Variants in NBN observed in about 807,000 individuals in gnomAD.
NBN encodes Nijmegen breakage syndrome 1 (nibrin).
In NBN, 88 loss-of-function variants were observed where a neutral mutation model predicts 90.8. That is an observed-to-expected ratio of 0.97 (90% CI 0.82 to 1.16). The LOEUF (loss-of-function observed/expected upper bound fraction) is 1.16, where lower values mean the gene tolerates loss of function less well. Ranked by LOEUF, NBN falls within the 50% of genes most tolerant of loss-of-function variation. NBN has a pLI of 0.00. For missense variants in NBN, 894 were observed against 869.6 expected (o/e 1.03, Z -0.35); for synonymous variants, 328 against 295.1 (o/e 1.11, Z -1.14).
In NBN at chr8:89,947,448, A is replaced by G. The variant is rs2023185; in HGVS notation, c.1914+376T>C. On this transcript the variant is annotated intron_variant, in intron 12 of 15. Transcript: ENST00000265433. ...AGTTCCAGACCAGCCTGACCAACAT[A>G]GAGAAACCCCGTCTCTATTAAAAAT... 6.6e-3 allele frequency among the ~76,000 whole-genome samples: 1,008 copies of G among 152,110 alleles called. 14 individuals are homozygous for G. The highest frequency in any genetic ancestry group is 0.023 in the African/African-American group (954 of 41,492).
At chr8:89,936,619 T>C (rs1260925297) in intron 15 of NBN, among the ~76,000 whole-genome samples, 2 of 152,198 alleles carry the variant, frequency 1.3e-5, no homozygotes, top group Non-Finnish European at 2.9e-5. Flanking sequence ...CACAAAAACC[T>C]GCTTTGAAAC....
At chr8:89,945,308 T>C (rs1428720924) in intron 13 of NBN, among the ~76,000 whole-genome samples, 4 of 152,274 alleles carry the variant, frequency 2.6e-5, no homozygotes, top group East Asian at 3.9e-4. Flanking sequence ...GTGGAAGATA[T>C]TTCCATCTTC....
At chr8:89,964,299 A>T in intron 8 of NBN, 111 bp downstream of exon 8, 1 of 1,237,828 alleles carries the variant, frequency 8.1e-7, no homozygotes, top group Non-Finnish European at 1.2e-6. Flanking sequence ...GATGAATTTT[A>T]AAACATGGTG....
chr8:89,984,638 T>A lies in NBN; in HGVS notation c.-77A>T. On this transcript the variant is annotated 5_prime_UTR_variant, in exon 1 of 16. Transcript: ENST00000265433. ...GCTAGACGAGCGCGGATACGGCGCC[T>A]GCGGTCGGCATGGGCTCCGGGACGT... The A allele has an allele frequency of 1.3e-6, 2 of 1,587,164 alleles. No homozygotes were observed. The highest frequency in any genetic ancestry group is 1.7e-6 in the Non-Finnish European group (2 of 1,166,778).
intron 5 of NBN, among the ~76,000 whole-genome samples, chr8:89,974,471 C>T (rs1315036178): frequency 6.6e-6 from 1 of 152,098 alleles, no homozygotes; most frequent in East Asian, 1.9e-4. Flanking sequence ...TCTGTTGGGT[C>T]TGAGATTTGA....
chr8:89,947,473 T>C (rs1810246901), intron 12 of NBN, among the ~76,000 whole-genome samples: 1 of 151,820 alleles, frequency 6.6e-6, no homozygotes, highest in African/African-American at 2.4e-5. Flanking sequence ...CTATTAAAAA[T>C]TCAAAATTAG....
chr8:89,984,436 C>A (rs887827798), intron 1 of NBN, 89 bp downstream of exon 1: 11 of 1,259,592 alleles, frequency 8.7e-6, no homozygotes, highest in Non-Finnish European at 1.3e-5. Flanking sequence ...CGGGCAGGAA[C>A]GGACGCGACG....
chr8:89,976,796 T>C (rs1214365162), intron 5 of NBN, among the ~76,000 whole-genome samples: 1 of 152,202 alleles, frequency 6.6e-6, no homozygotes, highest in Non-Finnish European at 1.5e-5. Context: ...AAGAATCTTC[T>C]ATTTTAAAAT....
intron 8 of NBN, among the ~76,000 whole-genome samples, chr8:89,963,756 G>GGA (rs1456986744): frequency 1.1e-4 from 16 of 152,042 alleles, no homozygotes; most frequent in African/African-American, 3.9e-4. Flanking sequence ...CTGCTCCACC[G>GGA]GAAAGTCCCA....
intron 8 of NBN, among the ~76,000 whole-genome samples, chr8:89,961,647 CAT>C (rs1201912901): frequency 1.3e-5 from 2 of 152,108 alleles, no homozygotes; most frequent in African/African-American, 4.8e-5. Context: ...ATATGGCACA[CAT>C]ATTCTGTAGA....
chr8:89,936,820 T>C (rs1018483073), intron 15 of NBN, among the ~76,000 whole-genome samples: 15 of 152,228 alleles, frequency 9.9e-5, no homozygotes, highest in Admixed American at 7.2e-4. Flanking sequence ...AAATTTTAAG[T>C]ATCTTATAAC....
Position 89,967,665 on chromosome 8 carries a change from T to C in NBN, c.896+2699A>G, listed in dbSNP as rs546266286. 2.0e-5 allele frequency among the ~76,000 whole-genome samples: 3 copies of C among 152,248 alleles called. No homozygotes were observed. In the South Asian group the frequency reaches 6.2e-4, roughly 32 times the overall value. ...AAGAGTTACCAAATTTGAGCTGAGA[T>C]ACCGGAAAAAGGTCTCAGCAAGAAC... On this transcript the variant is annotated intron_variant, in intron 7 of 15. Transcript: ENST00000265433.
intron 8 of NBN, among the ~76,000 whole-genome samples, chr8:89,962,034 T>C (rs1385635652): frequency 1.3e-5 from 2 of 152,150 alleles, no homozygotes; most frequent in East Asian, 3.8e-4. Context: ...TGTCCAAAGT[T>C]TCCAGTCTGA....
chr8:89,955,021 G>GA (rs1810630934), intron 10 of NBN, among the ~76,000 whole-genome samples: 1 of 152,100 alleles, frequency 6.6e-6, no homozygotes, highest in South Asian at 2.1e-4. Flanking sequence ...TTAGAGCTGA[G>GA]ACAGGGGGTT....
chr8:89,961,970 G>C (rs770736162), intron 8 of NBN, among the ~76,000 whole-genome samples: 1 of 152,148 alleles, frequency 6.6e-6, no homozygotes, highest in Non-Finnish European at 1.5e-5. Context: ...AGCAGAAGCT[G>C]TAGAGTGAGA....
chr8:89,953,461 T>C lies in NBN; in HGVS notation c.1628A>G (p.Glu543Gly), dbSNP rs587781624. 1.2e-6 allele frequency: 2 copies of C among 1,613,748 alleles called. No homozygotes were observed. The highest frequency in any genetic ancestry group is 1.3e-5 in the African/African-American group (1 of 74,940). ...CCTTTTTTTATTTGATCTTAGCTTT[T>C]CTGCAGCATGAGATTTACTGGCAGA... ...KNSASKSHAA[E>G]KLRSNKKREM... is the part of the protein sequence containing the mutation. Residue 543 changes from glutamate (E) to glycine (G), a missense_variant, in exon 11 of 16, where the codon GAA (glutamate) becomes GGA (glycine). Physicochemically the swap from Glu to Gly is moderately conservative, Grantham distance 98 (BLOSUM62 -2). Transcript: ENST00000265433.
At chr8:89,954,477 C>CT (rs1810603175) in intron 10 of NBN, among the ~76,000 whole-genome samples, 1 of 151,562 alleles carries the variant, frequency 6.6e-6, no homozygotes, top group Admixed American at 6.6e-5. Flanking sequence ...ATCAATAACA[C>CT]TGATTTCAGG....
chr8:89,958,389 T>C (rs1332974863), intron 9 of NBN, among the ~76,000 whole-genome samples: 1 of 152,240 alleles, frequency 6.6e-6, no homozygotes, highest in African/African-American at 2.4e-5. Context: ...CAAAATTGTG[T>C]AAGGAAGCAT....
At chr8:89,960,446 TAAG>T (rs1050015551) in intron 8 of NBN, among the ~76,000 whole-genome samples, 2 of 152,070 alleles carry the variant, frequency 1.3e-5, no homozygotes, top group African/African-American at 4.8e-5. Context: ...GGCCAGGAGT[TAAG>T]AGACCAACCT....
Sources: gnomAD v4.1 joint callset for allele counts (sites outside exome capture counted in the v4.1 genomes callset) on GRCh38, gnomAD v4.1.1 for gene constraint, MANE v1.5 for transcripts, NCBI Gene and HGNC (gene_info 2026-07-23, HGNC 2026-07-21) for gene names.